PARN: variants seen among roughly 807,000 people sequenced by gnomAD.
The protein encoded by PARN is poly(A)-specific ribonuclease PARN.
PARN carries 71 observed loss-of-function variants against 102.8 expected under a neutral mutation model. The ratio of observed to expected loss-of-function variants is 0.69; its 90% confidence interval spans 0.57 to 0.84. The LOEUF is 0.84. PARN is among the 40% of genes least tolerant of loss of function. The pLI, the probability that PARN is intolerant of heterozygous loss-of-function variation, is 0.00. For missense variants in PARN, 782 were observed against 760.9 expected (o/e 1.03, Z -0.33); for synonymous variants, 261 against 252.9 (o/e 1.03, Z -0.30).
chr16:14,447,137 G>T, intron 22 of PARN, 56 bp from the exon 23 acceptor site: 2 of 1,213,964 alleles, frequency 1.6e-6, no homozygotes, highest in Non-Finnish European at 2.3e-6. Flanking sequence ...AGGAAGACTA[G>T]TCTATAAAAA....
intron 16 of PARN, among the ~76,000 whole-genome samples, chr16:14,583,021 G>GTC (rs1199012512): frequency 6.6e-6 from 1 of 152,170 alleles, no homozygotes; most frequent in Non-Finnish European, 1.5e-5. Context: ...CAAGCTTAGA[G>GTC]ATCGAAAGGT....
chr16:14,496,171 A>G (rs1447233329), intron 21 of PARN, among the ~76,000 whole-genome samples: 1 of 152,228 alleles, frequency 6.6e-6, no homozygotes, highest in Non-Finnish European at 1.5e-5. Context: ...GGCGATTCTG[A>G]CAGCAGGGCT....
chr16:14,624,702 T>C (rs1972532077), intron 5 of PARN, among the ~76,000 whole-genome samples: 1 of 152,226 alleles, frequency 6.6e-6, no homozygotes, highest in Non-Finnish European at 1.5e-5. Context: ...GAGGATCACC[T>C]GAGGTCAGGA....
chr16:14,615,794 G>A (rs371453740), intron 6 of PARN, among the ~76,000 whole-genome samples: 1 of 151,848 alleles, frequency 6.6e-6, no homozygotes, highest in Non-Finnish European at 1.5e-5. Context: ...TCAGCTACTC[G>A]GGAGGCTGAG....
intron 18 of PARN, among the ~76,000 whole-genome samples, chr16:14,570,670 GAAAAAGA>G (rs990127639): frequency 7.1e-6 from 1 of 141,702 alleles, no homozygotes; most frequent in African/African-American, 2.6e-5. Context: ...AAAGAGAAAA[GAAAAAGA>G]AAAAAGAAAA....
At chr16:14,450,521 C>T (rs1339888266) in intron 22 of PARN, among the ~76,000 whole-genome samples, 3 of 151,200 alleles carry the variant, frequency 2.0e-5, no homozygotes, top group East Asian at 1.9e-4. Flanking sequence ...TTTATGTATA[C>T]ACACACACAC....
chr16:14,600,130 G>A (rs938243733), intron 11 of PARN, among the ~76,000 whole-genome samples, 170 bp from the exon 12 acceptor site: 7 of 152,096 alleles, frequency 4.6e-5, no homozygotes, highest in Admixed American at 1.3e-4. Flanking sequence ...AATGATCTAC[G>A]TACATACTTT....
chr16:14,456,532 G>A (rs919316456), intron 22 of PARN, among the ~76,000 whole-genome samples: 4 of 152,190 alleles, frequency 2.6e-5, no homozygotes, highest in African/African-American at 7.2e-5. Context: ...ACGTTCATGC[G>A]CTGTATAAAA....
intron 22 of PARN, among the ~76,000 whole-genome samples, chr16:14,457,797 CAAAAAAAAAAAAA>C (rs35170336): frequency 1.7e-4 from 5 of 30,160 alleles, no homozygotes; most frequent in African/African-American, 4.7e-4. Context: ...GACTCTGTCT[CAAAAAAAAAAAAA>C]AAAAAAAAAA....
intron 21 of PARN, among the ~76,000 whole-genome samples, chr16:14,527,018 G>A (rs1966046106): frequency 6.6e-6 from 1 of 152,228 alleles, no homozygotes; most frequent in South Asian, 2.1e-4. Context: ...AAACACTCCA[G>A]TCTTGCAGCT....
intron 6 of PARN, among the ~76,000 whole-genome samples, chr16:14,616,975 T>C (rs1315971018): frequency 2.0e-5 from 3 of 151,452 alleles, no homozygotes; most frequent in East Asian, 3.9e-4. Flanking sequence ...TAGAATAAAC[T>C]GCACTCGATA....
At chr16:14,489,363 T>C (rs1805391892) in intron 21 of PARN, among the ~76,000 whole-genome samples, 1 of 147,368 alleles carries the variant, frequency 6.8e-6, no homozygotes, top group Non-Finnish European at 1.5e-5. Context: ...GAGAATCGCT[T>C]GAACATGTGA....
chr16:14,525,401 T>C (rs920716258), intron 21 of PARN, among the ~76,000 whole-genome samples: 1 of 152,108 alleles, frequency 6.6e-6, no homozygotes, highest in African/African-American at 2.4e-5. Context: ...GGACAACCCT[T>C]CTATGATGGC....
chr16:14,612,090 G>T (rs1294546690), intron 6 of PARN, among the ~76,000 whole-genome samples: 1 of 152,102 alleles, frequency 6.6e-6, no homozygotes, highest in Admixed American at 6.6e-5. Context: ...GACATAAGAC[G>T]TAACACTTAC....
chr16:14,608,550 G>A (rs149858009), intron 8 of PARN, among the ~76,000 whole-genome samples: 37 of 152,162 alleles, frequency 2.4e-4, no homozygotes, highest in East Asian at 1.2e-3. Context: ...AGAAGTTCTC[G>A]TCTAATCAAA....
intron 18 of PARN, among the ~76,000 whole-genome samples, chr16:14,555,985 C>CT (rs1455530197): frequency 3.3e-5 from 5 of 151,956 alleles, no homozygotes; most frequent in African/African-American, 1.2e-4. Flanking sequence ...CTGCCTCAGC[C>CT]TCCTGAGTAG....
At chr16:14,499,131 C>G (rs1384773102) in intron 21 of PARN, among the ~76,000 whole-genome samples, 2 of 152,240 alleles carry the variant, frequency 1.3e-5, no homozygotes, top group African/African-American at 4.8e-5. Context: ...TATTCCAGCT[C>G]TTTATTTTCT....
intron 22 of PARN, among the ~76,000 whole-genome samples, chr16:14,475,951 C>T (rs1339429582): frequency 6.6e-6 from 1 of 151,994 alleles, no homozygotes; most frequent in Non-Finnish European, 1.5e-5. Context: ...AAATATAAGA[C>T]AAAAGATCGC....
chr16:14,546,465 T>C (rs1966949939), intron 21 of PARN, among the ~76,000 whole-genome samples: 1 of 152,254 alleles, frequency 6.6e-6, no homozygotes, highest in South Asian at 2.1e-4. Flanking sequence ...TAACTTTTTA[T>C]GACCCAAAAT....
Sources: gnomAD v4.1 joint callset for allele counts (sites outside exome capture counted in the v4.1 genomes callset) on GRCh38, gnomAD v4.1.1 for gene constraint, MANE v1.5 for transcripts, NCBI Gene and HGNC (gene_info 2026-07-23, HGNC 2026-07-21) for gene names.